Variants in PTPRG observed in about 807,000 individuals in gnomAD.
PTPRG encodes the protein receptor-type tyrosine-protein phosphatase gamma.
A neutral mutation model predicts 165.3 loss-of-function variants in PTPRG; 102 were observed. The ratio of observed to expected loss-of-function variants is 0.62; its 90% CI spans 0.53 to 0.73. The LOEUF is 0.73. Among genes scored for constraint, PTPRG ranks in the 30% least tolerant of loss-of-function variants. The probability of loss-of-function intolerance (pLI) is 0.00; values close to 1 mark genes in which losing one functional copy is unlikely to be tolerated. For missense variants in PTPRG, 1,866 were observed against 1,861.4 expected (o/e 1.00, Z -0.05); for synonymous variants, 675 against 669.5 (o/e 1.01, Z -0.13).
chr3:61,866,323 C>T (rs187052705), intron 2 of PTPRG, among the ~76,000 whole-genome samples: 3 of 152,244 alleles, frequency 2.0e-5, no homozygotes, highest in East Asian at 1.9e-4. Flanking sequence ...CTTCTGTTTG[C>T]ACGTGACCAT....
chr3:62,127,281 AG>A (rs1703328793), intron 5 of PTPRG, among the ~76,000 whole-genome samples: 1 of 152,232 alleles, frequency 6.6e-6, no homozygotes, highest in Non-Finnish European at 1.5e-5. Context: ...AGTGGTCACT[AG>A]GATGTTGAAG....
At chr3:61,630,726 T>C (rs968256793) in intron 1 of PTPRG, among the ~76,000 whole-genome samples, 25 of 152,162 alleles carry the variant, frequency 1.6e-4, no homozygotes, top group Non-Finnish European at 1.6e-4. Flanking sequence ...TGCCCCAAAG[T>C]GCAAGTGTGC....
intron 1 of PTPRG, among the ~76,000 whole-genome samples, chr3:61,613,206 A>G (rs954658948): frequency 2.0e-5 from 3 of 152,210 alleles, no homozygotes; most frequent in Non-Finnish European, 2.9e-5. Flanking sequence ...TTTAAGAGGA[A>G]TAAACTGTGC....
chr3:61,742,712 T>C (rs2033043157), intron 1 of PTPRG: 1 of 1,608,120 alleles, frequency 6.2e-7, no homozygotes, highest in East Asian at 2.2e-5. Context: ...GAAGGGAACT[T>C]TCCTGCCTTA....
At chr3:62,160,604 A>G (rs1454929739) in intron 7 of PTPRG, among the ~76,000 whole-genome samples, 3 of 152,260 alleles carry the variant, frequency 2.0e-5, no homozygotes, top group African/African-American at 7.2e-5. Context: ...ATGATCAGTC[A>G]TAGAAGATGA....
intron 7 of PTPRG, among the ~76,000 whole-genome samples, chr3:62,160,133 CCT>C (rs1327058625): frequency 1.3e-5 from 2 of 152,170 alleles, no homozygotes; most frequent in Non-Finnish European, 2.9e-5. Context: ...TCTTTTCTTC[CCT>C]GTCATCCAGC....
At position 62,222,206 on chromosome 3, in the gene PTPRG, G is replaced by GA. The variant is rs568381201; in HGVS notation, c.2288+3233dup. Among the ~76,000 whole-genome samples, 27 of 149,714 alleles carry GA rather than the reference G, an allele frequency of 1.8e-4. No homozygotes were observed. Among genetic ancestry groups the GA allele is most frequent in the East Asian group, 3.9e-4 (2 of 5,140 alleles). On this transcript the variant is annotated intron_variant, in intron 13 of 29. Transcript: ENST00000474889. This position sits in a 1 kb window ranked among gnomAD's most constrained non-coding sequence, Gnocchi z 4.5. ...TTCAAAATGCCTTAAAGCTCAAGGG[G>GA]AAAAAAAAAAGTTTGATTCATGGAA...
At chr3:61,710,997 C>T (rs2031523049) in intron 1 of PTPRG, among the ~76,000 whole-genome samples, 2 of 152,070 alleles carry the variant, frequency 1.3e-5, no homozygotes, top group East Asian at 3.9e-4. Flanking sequence ...GTTCAACTCC[C>T]ACTTATGACT....
At chr3:62,140,475 A>G (rs1349119836) in intron 6 of PTPRG, among the ~76,000 whole-genome samples, 1 of 152,204 alleles carries the variant, frequency 6.6e-6, no homozygotes, top group Admixed American at 6.5e-5. Context: ...AACAGTGGGT[A>G]ATGCATGATT....
chr3:61,855,162 C>T (rs751315342), intron 2 of PTPRG, among the ~76,000 whole-genome samples: 2 of 152,126 alleles, frequency 1.3e-5, no homozygotes, highest in Non-Finnish European at 2.9e-5. Context: ...TTACTAAGCT[C>T]TCTGGGATTG....
Position 62,296,242 on chromosome 3 carries a change from A to G in PTPRG, c.*2935A>G, listed in dbSNP as rs1275054980. On this transcript the variant is annotated 3_prime_UTR_variant, in exon 30 of 30. Transcript: ENST00000474889. ...TAGCTAATTGGTCTTCCTAATTTTT[A>G]TGCCTTTAGAGTTTTTAGTCTATTC... 1 of 151,914 alleles carries G rather than the reference A, an allele frequency of 6.6e-6. No individual in the cohort carries two copies. The highest frequency in any genetic ancestry group is 1.9e-4 in the East Asian group (1 of 5,170). The allele number at this position is 151,914 out of a possible 1,614,324, so 9.4% of individuals were successfully genotyped here.
chr3:62,026,443 A>C (rs910530213), intron 4 of PTPRG, among the ~76,000 whole-genome samples: 2 of 152,176 alleles, frequency 1.3e-5, no homozygotes, highest in Non-Finnish European at 2.9e-5. Flanking sequence ...TGATCACCCA[A>C]GAGGCACAAA....
rs573329464 is a variant in PTPRG, at chr3:61,675,906, C to G, written c.86-72972C>G. On this transcript the variant is annotated intron_variant, in intron 1 of 29. Coordinates refer to ENST00000474889, the MANE Select transcript of PTPRG (RefSeq NM_002841.4). ...AATGCCATTCTTAAGAGGCATGTGT[C>G]ATTCCGTGGTAGCATGGATCATATT... Among the ~76,000 whole-genome samples, 47 of 152,250 alleles carry G rather than the reference C, an allele frequency of 3.1e-4. 1 individual carries two copies. The South Asian group carries it at 8.7e-3, about 28-fold the overall frequency.
chr3:61,628,033 C>T (rs9882445), intron 1 of PTPRG, among the ~76,000 whole-genome samples: 89,430 of 151,956 alleles, frequency 0.59, 27,042 homozygotes, highest in African/African-American at 0.74. Context: ...GTTTAGATAA[C>T]TGAGATAAGC....
intron 1 of PTPRG, among the ~76,000 whole-genome samples, chr3:61,596,469 A>G (rs1444723143): frequency 6.6e-6 from 1 of 152,162 alleles, no homozygotes; most frequent in Non-Finnish European, 1.5e-5. Context: ...AGCACAGTAT[A>G]TGAAACACGT....
rs1220946068 is a variant in PTPRG at position 62,036,977 on chromosome 3, G to GCGCA, written c.519+33486_519+33489dup. Among the ~76,000 whole-genome samples, 64 of 91,204 alleles carry GCGCA rather than the reference G, an allele frequency of 7.0e-4. 1 individual carries two copies. The Middle Eastern group carries it at 0.036, about 51-fold the overall frequency. The allele number at this position is 91,204 out of a possible 152,430, so 59.8% of individuals were successfully genotyped here. A position where few individuals can be genotyped will look rare whatever the true frequency, so the allele number is the denominator to read the frequency against. On this transcript the variant is annotated intron_variant, in intron 4 of 29. Coordinates refer to ENST00000474889, the MANE Select transcript of PTPRG (RefSeq NM_002841.4). ...CTCCCTCAGTGCTGCACGTGCGCGCGCGCACGCACACACACACACACACAC... is the reference window on the plus strand; with the variant it reads ...CTCCCTCAGTGCTGCACGTGCGCGCGCGCACGCACGCACACACACACACACACAC...
intron 5 of PTPRG, among the ~76,000 whole-genome samples, chr3:62,131,307 C>T (rs914314895): frequency 6.6e-6 from 1 of 152,140 alleles, no homozygotes; most frequent in African/African-American, 2.4e-5. Flanking sequence ...AGGGCAATAT[C>T]TCCCCCATTT....
intron 1 of PTPRG, among the ~76,000 whole-genome samples, chr3:61,610,839 T>C (rs1701148653): frequency 6.7e-6 from 1 of 149,914 alleles, no homozygotes; most frequent in South Asian, 2.1e-4. Flanking sequence ...TTCTTTCTTC[T>C]CCTGTTGCCC....
intron 8 of PTPRG, among the ~76,000 whole-genome samples, chr3:62,168,688 G>A (rs551998505): frequency 1.3e-5 from 2 of 152,300 alleles, no homozygotes; most frequent in Admixed American, 6.5e-5. Flanking sequence ...GCTCCTTGGG[G>A]CTCTGGCACT....
Sources: gnomAD v4.1 joint callset for allele counts (sites outside exome capture counted in the v4.1 genomes callset) on GRCh38, gnomAD v4.1.1 for gene constraint, Gnocchi (gnomAD v3.1) non-coding constraint, MANE v1.5 for transcripts, NCBI Gene and HGNC (gene_info 2026-07-23, HGNC 2026-07-21) for gene names.